Variants in NOP58 observed in about 807,000 individuals in gnomAD.
NOP58 encodes the protein nucleolar protein 58.
NOP58 carries 44 observed loss-of-function variants against 71.2 expected under a neutral mutation model. That is an observed-to-expected ratio of 0.62 (90% CI 0.49 to 0.79). NOP58 has a LOEUF of 0.79. Ranked by LOEUF, NOP58 falls within the 30% of genes least tolerant of loss-of-function variation. The pLI is 0.00. For missense variants in NOP58, 538 were observed against 620.2 expected (o/e 0.87, Z 1.41); for synonymous variants, 228 against 200.3 (o/e 1.14, Z -1.17).
chr2:202,296,717 T>G (rs566123541), intron 10 of NOP58, among the ~76,000 whole-genome samples: 12 of 149,194 alleles, frequency 8.0e-5, no homozygotes, highest in East Asian at 2.0e-4. Flanking sequence ...CCACGCTTTT[T>G]TTTGTTTGTT....
chr2:202,292,738 CAT>C (rs760758585), intron 8 of NOP58, 37 bp from the exon 9 acceptor site: 27 of 1,544,484 alleles, frequency 1.7e-5, no homozygotes, highest in South Asian at 1.1e-4. Context: ...TGTTTTTACT[CAT>C]ATGATATTTG....
At chr2:202,279,436 T>A (rs1171365280) in intron 3 of NOP58, among the ~76,000 whole-genome samples, 1 of 152,226 alleles carries the variant, frequency 6.6e-6, no homozygotes, top group African/African-American at 2.4e-5. Context: ...ATGTTACAGA[T>A]GATAAAACTT....
Position 202,303,041 on chromosome 2 carries a change from C to G in NOP58, c.1523C>G (p.Thr508Ser). The part of the protein sequence containing the change: ...EEPLSEEEPC[T>S]STAIASPEKK... ...CCACTTTCTGAGGAAGAACCATGTACCAGCACAGCAATTGCTGTATGTTTG... is the reference window on the plus strand; with the variant it reads ...CCACTTTCTGAGGAAGAACCATGTAGCAGCACAGCAATTGCTGTATGTTTG... The change falls in exon 14 of 15, where the codon ACC (threonine) becomes AGC (serine). Residue 508 changes from threonine (T) to serine (S), a missense_variant. Coordinates refer to ENST00000264279, the MANE Select transcript of NOP58 (RefSeq NM_015934.5). 1.2e-6 allele frequency: 2 copies of G among 1,611,770 alleles called. No individual in the cohort carries two copies. The highest frequency in any genetic ancestry group is 1.7e-6 in the Non-Finnish European group (2 of 1,179,768).
intron 3 of NOP58, among the ~76,000 whole-genome samples, chr2:202,280,662 G>C (rs1455041842): frequency 6.6e-6 from 1 of 151,740 alleles, no homozygotes; most frequent in Non-Finnish European, 1.5e-5. Flanking sequence ...AAAGAAATAG[G>C]GTCTGTTGGG....
intron 1 of NOP58, among the ~76,000 whole-genome samples, chr2:202,269,871 G>C (rs982923312): frequency 6.6e-6 from 1 of 152,198 alleles, no homozygotes; most frequent in Non-Finnish European, 1.5e-5. Context: ...CCATTAGTAC[G>C]TATAACCATT....
rs556978140 is a variant in NOP58 at position 202,271,721 on chromosome 2, T to A, written c.46-3392T>A. On this transcript the variant is annotated intron_variant, in intron 1 of 14. Transcript: ENST00000264279. ...ACTTTGAGAGGCCAAGGCAAGAGGA[T>A]CACTTGAGTCCAGAAGTTAGAGATC... Among the ~76,000 whole-genome samples, 9 of 152,220 alleles carry A rather than the reference T, an allele frequency of 5.9e-5. No homozygotes were observed. In the South Asian group the frequency reaches 1.7e-3, roughly 28 times the overall value.
chr2:202,291,966 ATCTTTTTTT>A (rs1688908401), intron 8 of NOP58, among the ~76,000 whole-genome samples: 1 of 80,308 alleles, frequency 1.2e-5, no homozygotes, highest in Non-Finnish European at 2.7e-5. Context: ...ATTGCTCAGA[ATCTTTTTTT>A]TTTTTTTTTT....
intron 3 of NOP58, among the ~76,000 whole-genome samples, chr2:202,281,501 A>G (rs1013218043): frequency 4.6e-5 from 7 of 152,128 alleles, no homozygotes; most frequent in South Asian, 2.1e-4. Flanking sequence ...GTACAGCGGC[A>G]TGATCATGAC....
At chr2:202,289,893 A>G (rs1212750364) in intron 6 of NOP58, among the ~76,000 whole-genome samples, 1 of 152,216 alleles carries the variant, frequency 6.6e-6, no homozygotes. Context: ...ATAACATCAT[A>G]AGAATACTTA....
chr2:202,290,606 AT>A, intron 7 of NOP58, 149 bp downstream of exon 7: 1 of 674,448 alleles, frequency 1.5e-6, no homozygotes, highest in Non-Finnish European at 2.5e-6. Context: ...AGTGTCTTAA[AT>A]TTAAGAAACA....
intron 13 of NOP58, among the ~76,000 whole-genome samples, chr2:202,302,142 C>CA (rs1208655973): frequency 7.7e-6 from 1 of 130,294 alleles, no homozygotes; most frequent in East Asian, 2.3e-4. Context: ...GGCTGAAGTG[C>CA]AGTGGCGTGA....
chr2:202,274,787 G>T (rs1688564000), intron 1 of NOP58, among the ~76,000 whole-genome samples: 2 of 151,916 alleles, frequency 1.3e-5, no homozygotes, highest in Admixed American at 6.6e-5. Context: ...AAGGTTCCCT[G>T]CCCTACCCCC....
chr2:202,265,771 A>C lies in NOP58; in HGVS notation c.-171A>C. 3.0e-6 allele frequency: 2 copies of C among 656,492 alleles called. No homozygotes were observed. Among genetic ancestry groups the C allele is most frequent in the Non-Finnish European group, 5.3e-6 (2 of 375,466 alleles). The allele number at this position is 656,492 out of a possible 1,614,324, so 40.7% of individuals were successfully genotyped here. On this transcript the variant is annotated 5_prime_UTR_variant, in exon 1 of 15. Transcript: ENST00000264279. Reference sequence around the variant, plus strand: ...TAGCGCGTTCGTGCGTCCTAGTTCCAGTACAGCGTGGAGGGTTTAGGCAGC... The same window carrying C: ...TAGCGCGTTCGTGCGTCCTAGTTCCCGTACAGCGTGGAGGGTTTAGGCAGC...
chr2:202,276,717 A>G lies in NOP58; in HGVS notation c.123-1233A>G, dbSNP rs1688597434. Among the ~76,000 whole-genome samples the G allele has an allele frequency of 4.6e-5, 7 of 152,094 alleles. No individual in the cohort carries two copies. The South Asian group carries it at 1.2e-3, about 27-fold the overall frequency. On this transcript the variant is annotated intron_variant, in intron 2 of 14. Transcript: ENST00000264279. ...GCTGGGTGTGGTGGTGCACACCTATAGTCCTAGCTGCTTGGGAGACTGAGG... is the reference window on the plus strand; with the variant it reads ...GCTGGGTGTGGTGGTGCACACCTATGGTCCTAGCTGCTTGGGAGACTGAGG...
intron 1 of NOP58, 107 bp downstream of exon 1, chr2:202,266,093 T>C (rs892792143): frequency 6.1e-6 from 8 of 1,304,240 alleles, no homozygotes; most frequent in Admixed American, 3.5e-5. Context: ...GTGCCTGTTA[T>C]AGCCCGGGCT....
intron 1 of NOP58, among the ~76,000 whole-genome samples, chr2:202,274,075 T>C (rs1390894324): frequency 6.6e-6 from 1 of 152,226 alleles, no homozygotes; most frequent in East Asian, 1.9e-4. Flanking sequence ...GTACCCTATG[T>C]TTCTTTTGCA....
At chr2:202,285,341 A>ATTTTT (rs932875625) in intron 5 of NOP58, among the ~76,000 whole-genome samples, 6 of 81,250 alleles carry the variant, frequency 7.4e-5, no homozygotes, top group Non-Finnish European at 1.1e-4. Flanking sequence ...CACACCCGGC[A>ATTTTT]TTTTTTTTTT....
intron 5 of NOP58, among the ~76,000 whole-genome samples, chr2:202,285,268 C>T (rs1688769073): frequency 6.6e-6 from 1 of 151,884 alleles, no homozygotes; most frequent in Non-Finnish European, 1.5e-5. Flanking sequence ...TCTTGAACTC[C>T]TGACCTCAAA....
At chr2:202,268,309 C>T (rs182757902) in intron 1 of NOP58, among the ~76,000 whole-genome samples, 110 of 152,048 alleles carry the variant, frequency 7.2e-4, no homozygotes, top group African/African-American at 2.5e-3. Flanking sequence ...CCGAGGCCGG[C>T]GGATCACAAG....
Sources: gnomAD v4.1 joint callset for allele counts (sites outside exome capture counted in the v4.1 genomes callset) on GRCh38, gnomAD v4.1.1 for gene constraint, MANE v1.5 for transcripts, NCBI Gene and HGNC (gene_info 2026-07-23, HGNC 2026-07-21) for gene names.